Variants in C17orf99 observed in about 807,000 individuals in gnomAD.
C17orf99 encodes chromosome 17 open reading frame 99.
In C17orf99, 18 loss-of-function variants were observed where a neutral mutation model predicts 22.6. That is an observed-to-expected ratio of 0.80 (90% CI 0.55 to 1.18). The LOEUF is 1.18. C17orf99 is among the 50% of genes most tolerant of loss of function. The probability of loss-of-function intolerance (pLI) is 0.00; values close to 1 mark genes in which losing one functional copy is unlikely to be tolerated. For missense variants in C17orf99, 328 were observed against 342.7 expected (o/e 0.96, Z 0.34); for synonymous variants, 147 against 136.6 (o/e 1.08, Z -0.53).
intron 2 of C17orf99, among the ~76,000 whole-genome samples, chr17:78,147,500 T>C (rs1326867752): frequency 6.6e-6 from 1 of 152,152 alleles, no homozygotes; most frequent in Admixed American, 6.5e-5. Flanking sequence ...GGAAGGTCCC[T>C]GACAGCCCCT....
At chr17:78,162,250 T>C (rs2075583583) in intron 3 of C17orf99, among the ~76,000 whole-genome samples, 1 of 136,288 alleles carries the variant, frequency 7.3e-6, no homozygotes, top group Non-Finnish European at 1.5e-5. Context: ...CATGCCAGCC[T>C]GGGTGACAGC....
chr17:78,155,168 G>A (rs1406066111), intron 2 of C17orf99, among the ~76,000 whole-genome samples: 1 of 138,648 alleles, frequency 7.2e-6, no homozygotes, highest in Non-Finnish European at 1.6e-5. Context: ...TTGCTGTGTT[G>A]CCCAAGCTAG....
chr17:78,158,024 A>C, intron 2 of C17orf99: 1 of 1,370,050 alleles, frequency 7.3e-7, no homozygotes. Context: ...GCTGATTGGC[A>C]TCCAGGATGG....
upstream of C17orf99, among the ~76,000 whole-genome samples, chr17:78,145,885 T>C (rs2075434341): frequency 1.4e-5 from 2 of 145,106 alleles, no homozygotes; most frequent in Admixed American, 1.5e-4. Flanking sequence ...AACCTCCGCC[T>C]CCTGGGTTCA....
Position 78,160,954 on chromosome 17 carries a change from G to A in C17orf99, c.71-1G>A. The A allele has an allele frequency of 6.5e-7, 1 of 1,547,718 alleles. No homozygotes were observed. The highest frequency in any genetic ancestry group is 1.2e-5 in the South Asian group (1 of 84,012). On this transcript the variant is annotated splice_acceptor_variant, in intron 2 of 4. Transcript: ENST00000340363. LOFTEE classifies it high-confidence loss of function. ...CCTCCTTGGACCTTTTCATCTCCCA[G>A]AAATTACCCCTGTGGTCTCCATTGC...
intron 3 of C17orf99, 126 bp downstream of exon 3, chr17:78,161,380 G>C (rs1026782044): frequency 1.9e-5 from 16 of 828,172 alleles, no homozygotes; most frequent in African/African-American, 3.4e-5. Context: ...GTGTGGACAA[G>C]GACAGGCTGC....
At chr17:78,147,630 A>G (rs1278044115) in intron 2 of C17orf99, among the ~76,000 whole-genome samples, 1 of 151,838 alleles carries the variant, frequency 6.6e-6, no homozygotes, top group African/African-American at 2.4e-5. Flanking sequence ...ACCTCCCTAT[A>G]TTGTCCCAAC....
chr17:78,159,292 G>T (rs1358846484), intron 2 of C17orf99, among the ~76,000 whole-genome samples: 1 of 152,098 alleles, frequency 6.6e-6, no homozygotes, highest in Non-Finnish European at 1.5e-5. Flanking sequence ...AGCTGAGATC[G>T]TGCTACTGCA....
At position 78,164,222 on chromosome 17, in the gene C17orf99, G is replaced by A. The variant is rs1243814305; in HGVS notation, c.498G>A (p.Gly166=). Residue 166 remains glycine, a synonymous_variant, in exon 4 of 5, where the codon GGG becomes GGA. Transcript: ENST00000340363. ...CCAACAGCCTGATCGGGAAGGATGG[G>A]CAGGTCCACCTGCAGCAGAGACCAT... The part of the protein sequence containing the change: ...PITNSLIGKD[G]QVHLQQRPCH... The A allele has an allele frequency of 6.4e-7, 1 of 1,551,606 alleles. No homozygotes were observed. The highest frequency in any genetic ancestry group is 2.0e-5 in the Admixed American group (1 of 51,008).
chr17:78,148,010 C>G (rs1440880067), intron 2 of C17orf99, among the ~76,000 whole-genome samples: 2 of 152,186 alleles, frequency 1.3e-5, no homozygotes, highest in Non-Finnish European at 2.9e-5. Context: ...AGGCACAATT[C>G]CAGGCCCTGA....
chr17:78,164,000 G>A, intron 3 of C17orf99, 95 bp from the exon 4 acceptor site: 1 of 1,120,702 alleles, frequency 8.9e-7, no homozygotes, highest in Non-Finnish European at 1.3e-6. Context: ...CCACAGCTAA[G>A]CTCATTAGGC....
At chr17:78,157,963 C>A in intron 2 of C17orf99, 1 of 1,203,048 alleles carries the variant, frequency 8.3e-7, no homozygotes, top group Non-Finnish European at 1.2e-6. Flanking sequence ...GAGATATCTG[C>A]CTGTCAACTC....
chr17:78,146,986 C>A lies in C17orf99; in HGVS notation c.70+75C>A. On this transcript the variant is annotated intron_variant, in intron 2 of 4. Transcript: ENST00000340363. This position sits in a 1 kb window ranked among gnomAD's most constrained non-coding sequence, Gnocchi z 5.2. ...GTGTCAGAACCCCCATGGTGGAGGG[C>A]GCCTCGGCTGGGAAGGGAGTTACTA... The A allele has an allele frequency of 7.3e-7, 1 of 1,362,458 alleles. No individual in the cohort carries two copies. Among genetic ancestry groups the A allele is most frequent in the Admixed American group, 2.0e-5 (1 of 50,634 alleles). The allele number at this position is 1,362,458 out of a possible 1,614,324, so 84.4% of individuals were successfully genotyped here.
At chr17:78,160,254 G>T (rs903275810) in intron 2 of C17orf99, 11 of 396,640 alleles carry the variant, frequency 2.8e-5, no homozygotes, top group Non-Finnish European at 4.5e-5. Context: ...GAAGTAAATT[G>T]CAGCCGGGCG....
chr17:78,155,244 C>T (rs2075516785), intron 2 of C17orf99, among the ~76,000 whole-genome samples: 1 of 151,446 alleles, frequency 6.6e-6, no homozygotes, highest in African/African-American at 2.4e-5. Flanking sequence ...GGCAAAATTG[C>T]TCCTGGTTGA....
At chr17:78,158,395 T>C (rs985008495) in intron 2 of C17orf99, among the ~76,000 whole-genome samples, 1 of 152,014 alleles carries the variant, frequency 6.6e-6, no homozygotes, top group Non-Finnish European at 1.5e-5. Flanking sequence ...CCCGGGCTCA[T>C]GCCATTCTCC....
intron 2 of C17orf99, among the ~76,000 whole-genome samples, chr17:78,149,483 A>G (rs916025543): frequency 2.0e-5 from 3 of 152,052 alleles, no homozygotes; most frequent in Non-Finnish European, 4.4e-5. Context: ...GAAGGACCTG[A>G]GGGATCAGGA....
intron 2 of C17orf99, chr17:78,157,452 G>A: frequency 7.6e-7 from 1 of 1,309,038 alleles, no homozygotes; most frequent in East Asian, 3.1e-5. Flanking sequence ...CTTCGAGACA[G>A]GAGATGCAGG....
In C17orf99 at chr17:78,158,209, G is replaced by A. The variant is rs181372656; in HGVS notation, c.71-2746G>A. On this transcript the variant is annotated intron_variant, in intron 2 of 4. Transcript: ENST00000340363. ...CTGCAATCAAGGCTCCCAGGGTGGCGGTGGTGGCAGCAGTGATCCTCCCAA... is the reference window on the plus strand; with the variant it reads ...CTGCAATCAAGGCTCCCAGGGTGGCAGTGGTGGCAGCAGTGATCCTCCCAA... The A allele has an allele frequency of 4.3e-4, 284 of 664,182 alleles. 2 individuals are homozygous for A. The East Asian group carries it at 9.2e-3, about 22-fold the overall frequency. The allele number at this position is 664,182 out of a possible 1,614,324, so 41.1% of individuals were successfully genotyped here.
Sources: gnomAD v4.1 joint callset for allele counts (sites outside exome capture counted in the v4.1 genomes callset) on GRCh38, gnomAD v4.1.1 for gene constraint, Gnocchi (gnomAD v3.1) non-coding constraint, MANE v1.5 for transcripts, NCBI Gene and HGNC (gene_info 2026-07-23, HGNC 2026-07-21) for gene names.